PRDX2: variants seen among roughly 807,000 people sequenced by gnomAD.
PRDX2 encodes peroxiredoxin-2.
PRDX2 carries 10 observed loss-of-function variants against 19.8 expected under a neutral mutation model. That is an observed-to-expected ratio of 0.50 (90% confidence interval 0.31 to 0.86). PRDX2 has a LOEUF of 0.86. PRDX2 is among the 40% of genes least tolerant of loss of function. PRDX2 has a pLI of 0.04. For synonymous variants in PRDX2, 118 were observed against 108.2 expected, an observed-to-expected ratio of 1.09 and a Z score of -0.56; for missense variants, 226 against 260.1, an observed-to-expected ratio of 0.87 and a Z score of 0.90.
At position 12,799,861 on chromosome 19, in the gene PRDX2, T is replaced by C. The variant is rs1301816475; in HGVS notation, c.509A>G (p.Glu170Gly). 1 of 1,612,020 alleles carries C rather than the reference T, an allele frequency of 6.2e-7. No homozygotes were observed. The highest frequency in any genetic ancestry group is 1.1e-5 in the South Asian group (1 of 90,970). Residue 170 changes from glutamate (E) to glycine (G), a missense_variant and splice_region_variant, in exon 5 of 6, where the codon GAA becomes GGA. Coordinates refer to ENST00000301522, the MANE Select transcript of PRDX2 (RefSeq NM_005809.6). ...GTGTCATGTGTGTATCTGCTCACCT[T>C]CCCCATGCTCGTCTGTGTACTGGAA... is the stretch of plus-strand genomic sequence containing the variant. ...QAFQYTDEHG[E>G]VCPAGWKPGS... is the part of the protein sequence containing the mutation.
At chr19:12,800,370 A>C in intron 3 of PRDX2, 71 bp from the exon 4 acceptor site, 4 of 1,554,178 alleles carry the variant, frequency 2.6e-6, no homozygotes, top group Non-Finnish European at 3.5e-6. Context: ...CTGTGGGCCC[A>C]ATGTGATAAG....
intron 4 of PRDX2, 89 bp from the exon 5 acceptor site, chr19:12,800,078 AG>A: frequency 6.3e-7 from 1 of 1,597,944 alleles, no homozygotes; most frequent in South Asian, 1.1e-5. Flanking sequence ...TGCTAGCCAC[AG>A]GGCTGGGGGC....
chr19:12,797,272 A>G (rs1968806357), intron 5 of PRDX2, 106 bp from the exon 6 acceptor site: 2 of 880,514 alleles, frequency 2.3e-6, no homozygotes, highest in African/African-American at 1.7e-5. Flanking sequence ...CAAGTGGTCC[A>G]GGCCCAGGAA....
Position 12,800,274 on chromosome 19 carries a change from C to T in PRDX2, c.283G>A (p.Gly95Ser). The change falls in exon 4 of 6, where the codon GGC (glycine) becomes AGC (serine). Residue 95 changes from glycine to serine, a missense_variant. Gly to Ser is a moderately conservative substitution (Grantham distance 56). Transcript: ENST00000301522. ...AGGGGGATGTTCAGGGGGCCCAAGC[C>T]TCCCTCTTTCCGGGGGGTGTTGATC... The part of the protein sequence containing the change: ...AWINTPRKEG[G>S]LGPLNIPLLA... 1 of 1,613,340 alleles carries T rather than the reference C, an allele frequency of 6.2e-7. No homozygotes were observed. Among genetic ancestry groups the T allele is most frequent in the Non-Finnish European group, 8.5e-7 (1 of 1,179,814 alleles).
At chr19:12,800,442 C>CAGGG in intron 3 of PRDX2, 143 bp from the exon 4 acceptor site, 9 of 1,111,384 alleles carry the variant, frequency 8.1e-6, no homozygotes, top group Non-Finnish European at 1.0e-5. Context: ...CCACCCCACC[C>CAGGG]TGGGTTGGGT....
chr19:12,800,696 G>A (rs1301508297), intron 3 of PRDX2: 4 of 1,466,462 alleles, frequency 2.7e-6, no homozygotes, highest in African/African-American at 1.4e-5. Context: ...AGTAGATAGA[G>A]TTGCATCTGA....
chr19:12,799,150 C>T (rs901310785), intron 5 of PRDX2, among the ~76,000 whole-genome samples: 8 of 151,726 alleles, frequency 5.3e-5, no homozygotes, highest in Admixed American at 1.3e-4. Flanking sequence ...CTGCCCGCCT[C>T]GGCCTCCCAA....
chr19:12,800,208 C>T lies in PRDX2; in HGVS notation c.349G>A (p.Val117Met), dbSNP rs376456268. 117 of 1,613,786 alleles carry T rather than the reference C, an allele frequency of 7.3e-5. 1 individual carries two copies. The highest frequency in any genetic ancestry group is 9.1e-5 in the Non-Finnish European group (107 of 1,179,994). Reference sequence around the variant, plus strand: ...GCAATGCCCTCATCTGTTTTCAGCACGCCGTAATCCTCAGACAAGCGTCTG... The same window carrying T: ...GCAATGCCCTCATCTGTTTTCAGCATGCCGTAATCCTCAGACAAGCGTCTG... ...VTRRLSEDYG[V>M]LKTDEGIAYR... The change falls in exon 4 of 6, where the codon GTG becomes ATG. Residue 117 changes from valine (V) to methionine (M), a missense_variant. Physicochemically the swap from Val to Met is conservative, Grantham distance 21 (BLOSUM62 1). Transcript: ENST00000301522.
chr19:12,800,321 T>C (rs758349174), intron 3 of PRDX2, 22 bp from the exon 4 acceptor site: 25 of 1,604,672 alleles, frequency 1.6e-5, no homozygotes, highest in Non-Finnish European at 2.0e-5. Context: ...GGAGACAGAG[T>C]TGGGGCCTCA....
chr19:12,800,322 T>C (rs1339026450), intron 3 of PRDX2, 23 bp from the exon 4 acceptor site: 3 of 1,604,796 alleles, frequency 1.9e-6, no homozygotes, highest in South Asian at 2.2e-5. Context: ...GAGACAGAGT[T>C]GGGGCCTCAG....
rs971303115 is a variant in PRDX2, at chr19:12,799,655, C to A, written c.511+204G>T. The A allele has an allele frequency of 1.0e-5, 6 of 580,502 alleles. No homozygotes were observed. In the South Asian group the frequency reaches 1.3e-4, roughly 13 times the overall value. 36.0% of individuals were successfully genotyped at this position (580,502 alleles called of 1,614,324 possible). The stretch of plus-strand genomic sequence containing the variant: ...CAATACAACCGTGAGCCACTGAGCC[C>A]GGCCCCTTTGTCCACCTTGGTTGAA... On this transcript the variant is annotated intron_variant, in intron 5 of 5. Transcript: ENST00000301522.
chr19:12,800,633 C>T (rs2145816902), intron 3 of PRDX2: 2 of 1,351,538 alleles, frequency 1.5e-6, no homozygotes, highest in Non-Finnish European at 9.8e-7. Context: ...CTGGAGTTTC[C>T]ATCTTCATGA....
chr19:12,799,802 G>T (rs1054556634), intron 5 of PRDX2, 57 bp downstream of exon 5: 1 of 1,585,870 alleles, frequency 6.3e-7, no homozygotes, highest in Non-Finnish European at 8.6e-7. Flanking sequence ...GTGAATGTTT[G>T]CATGAGTGAC....
chr19:12,800,453 G>T, intron 3 of PRDX2, 154 bp from the exon 4 acceptor site: 1 of 1,022,254 alleles, frequency 9.8e-7, no homozygotes, highest in Admixed American at 2.8e-5. Context: ...TGGGTTGGGT[G>T]CAAGGACTGT....
chr19:12,798,404 T>TGTAATG, intron 5 of PRDX2, among the ~76,000 whole-genome samples: 1 of 151,082 alleles, frequency 6.6e-6, no homozygotes, highest in Middle Eastern at 3.5e-3. Context: ...CAGGCTGGAG[T>TGTAATG]GCAATGGCAC....
At position 12,799,971 on chromosome 19, in the gene PRDX2, A is replaced by T. The variant is rs774148435; in HGVS notation, c.399T>A (p.Asp133Glu). ...TGATCTGGCGAAGGACACCCTTGCC[A>T]TCGATGATAAAGAGGCCCCTGAAGA... ...GIAYRGLFIIDGKGVLRQITV... is the reference protein window; with the variant it reads ...GIAYRGLFIIEGKGVLRQITV... Residue 133 changes from aspartate to glutamate, a missense_variant, in exon 5 of 6, where the codon GAT becomes GAA. Physicochemically the swap from Asp to Glu is conservative, Grantham distance 45. Transcript: ENST00000301522. The T allele has an allele frequency of 1.2e-6, 2 of 1,613,972 alleles. No homozygotes were observed.
intron 5 of PRDX2, among the ~76,000 whole-genome samples, chr19:12,798,205 C>G (rs1193907750): frequency 6.6e-6 from 1 of 151,574 alleles, no homozygotes; most frequent in African/African-American, 2.4e-5. Flanking sequence ...CCACCACGCC[C>G]GACTAATTTT....
intron 5 of PRDX2, among the ~76,000 whole-genome samples, chr19:12,798,681 A>C (rs1168344932): frequency 1.6e-3 from 160 of 97,674 alleles, no homozygotes; most frequent in African/African-American, 2.5e-3. Context: ...TTTAACCAAT[A>C]CCCCATCTCT....
At chr19:12,797,256 TG>T in intron 5 of PRDX2, 90 bp from the exon 6 acceptor site, 1 of 1,044,390 alleles carries the variant, frequency 9.6e-7, no homozygotes, top group South Asian at 1.3e-5. Flanking sequence ...AAGAAAATGC[TG>T]GAAGCAAGTG....
Sources: allele counts gnomAD v4.1 joint callset (sites outside exome capture counted in the v4.1 genomes callset), GRCh38; gene constraint gnomAD v4.1.1; transcripts MANE v1.5; gene names NCBI Gene and HGNC (gene_info 2026-07-23, HGNC 2026-07-21).